SH3GL2: variants seen among roughly 807,000 people sequenced by gnomAD.
SH3GL2 encodes endophilin-A1.
In SH3GL2, 24 loss-of-function variants were observed where a neutral mutation model predicts 46.0. The ratio of observed to expected loss-of-function variants is 0.52; its 90% CI spans 0.38 to 0.73. The LOEUF is 0.73. Among genes scored for constraint, SH3GL2 ranks in the 30% least tolerant of loss-of-function variants. SH3GL2 has a pLI of 0.00. For synonymous variants in SH3GL2, 196 were observed against 147.1 expected, an observed-to-expected ratio of 1.33 and a Z score of -2.40; for missense variants, 413 against 424.2, an observed-to-expected ratio of 0.97 and a Z score of 0.23.
intron 1 of SH3GL2, among the ~76,000 whole-genome samples, chr9:17,718,907 C>T (rs1030722714): frequency 6.6e-6 from 1 of 152,018 alleles, no homozygotes; most frequent in Non-Finnish European, 1.5e-5. Flanking sequence ...ATCGATTTTC[C>T]TTCTTCTTCT....
intron 1 of SH3GL2, among the ~76,000 whole-genome samples, chr9:17,645,066 A>G (rs567817261): frequency 6.7e-6 from 1 of 148,906 alleles, no homozygotes; most frequent in African/African-American, 2.5e-5. Flanking sequence ...TGATTCCTTT[A>G]CCATTATGTA....
chr9:17,665,194 A>G lies in SH3GL2; in HGVS notation c.46-81872A>G, dbSNP rs145896828. On this transcript the variant is annotated intron_variant, in intron 1 of 8. Transcript: ENST00000380607. ...ACGCATACCTCCTAAGAATAAGGAC[A>G]TTTTCTTATATAACCATAGTACAGT... Among the ~76,000 whole-genome samples, 310 of 152,244 alleles carry G rather than the reference A, an allele frequency of 2.0e-3. 1 individual carries two copies. Among genetic ancestry groups the G allele is most frequent in the African/African-American group, 7.1e-3 (297 of 41,566 alleles).
At chr9:17,676,857 C>CT (rs1820625518) in intron 1 of SH3GL2, among the ~76,000 whole-genome samples, 1 of 152,008 alleles carries the variant, frequency 6.6e-6, no homozygotes, top group African/African-American at 2.4e-5. Flanking sequence ...TCTTTTTGTC[C>CT]TTTTTATCTT....
chr9:17,674,894 A>G (rs2117990967), intron 1 of SH3GL2, among the ~76,000 whole-genome samples: 1 of 152,258 alleles, frequency 6.6e-6, no homozygotes, highest in Non-Finnish European at 1.5e-5. Context: ...GTGGCAGTTC[A>G]TTAACATTGT....
At chr9:17,740,867 A>G (rs1001757059) in intron 1 of SH3GL2, among the ~76,000 whole-genome samples, 4 of 152,122 alleles carry the variant, frequency 2.6e-5, no homozygotes, top group African/African-American at 7.2e-5. Flanking sequence ...GTGTTAGATG[A>G]TGTTGGTTTT....
At chr9:17,599,100 C>T (rs530036838) in intron 1 of SH3GL2, among the ~76,000 whole-genome samples, 246 of 152,130 alleles carry the variant, frequency 1.6e-3, no homozygotes, top group African/African-American at 5.5e-3. Context: ...ATTAGCTATT[C>T]GTTTGAGAAA....
At chr9:17,768,186 AC>A (rs1823371212) in intron 3 of SH3GL2, among the ~76,000 whole-genome samples, 1 of 151,972 alleles carries the variant, frequency 6.6e-6, no homozygotes, top group Non-Finnish European at 1.5e-5. Flanking sequence ...CCTGGCTAAC[AC>A]AGTGAAACTC....
intron 1 of SH3GL2, among the ~76,000 whole-genome samples, chr9:17,581,114 G>T (rs914697412): frequency 6.6e-6 from 1 of 152,154 alleles, no homozygotes; most frequent in African/African-American, 2.4e-5. Context: ...TTGACATAAA[G>T]GATATTTTTA....
At chr9:17,751,898 G>C (rs1445936332) in intron 2 of SH3GL2, among the ~76,000 whole-genome samples, 1 of 152,148 alleles carries the variant, frequency 6.6e-6, no homozygotes, top group Non-Finnish European at 1.5e-5. Flanking sequence ...CTCCAAACAA[G>C]ATGAGCTTTG....
At chr9:17,602,120 GA>G (rs1818683158) in intron 1 of SH3GL2, among the ~76,000 whole-genome samples, 1 of 152,146 alleles carries the variant, frequency 6.6e-6, no homozygotes, top group Non-Finnish European at 1.5e-5. Flanking sequence ...CTTAAAAGAA[GA>G]AAAGACTGAA....
intron 1 of SH3GL2, among the ~76,000 whole-genome samples, chr9:17,669,699 A>G (rs1013932959): frequency 6.6e-6 from 1 of 152,184 alleles, no homozygotes; most frequent in Non-Finnish European, 1.5e-5. Flanking sequence ...TATACTCATA[A>G]ATAAAGCTGC....
At chr9:17,654,943 C>G (rs1820039074) in intron 1 of SH3GL2, among the ~76,000 whole-genome samples, 1 of 152,144 alleles carries the variant, frequency 6.6e-6, no homozygotes, top group Admixed American at 6.5e-5. Flanking sequence ...GTGATGGGAG[C>G]TGTGCAGTGA....
At chr9:17,718,610 C>T (rs1011745579) in intron 1 of SH3GL2, among the ~76,000 whole-genome samples, 5 of 152,098 alleles carry the variant, frequency 3.3e-5, no homozygotes, top group Admixed American at 3.3e-4. Flanking sequence ...CACTTGTAGT[C>T]CCACTGACTC....
intron 1 of SH3GL2, among the ~76,000 whole-genome samples, chr9:17,674,764 C>T (rs1288178547): frequency 6.6e-6 from 1 of 152,152 alleles, no homozygotes; most frequent in African/African-American, 2.4e-5. Context: ...TCAGCTCTGC[C>T]TCCCTCTCTC....
chr9:17,797,008 G>A lies in SH3GL2; in HGVS notation c.*1265G>A, dbSNP rs893704058. On this transcript the variant is annotated 3_prime_UTR_variant, in exon 9 of 9. Coordinates refer to ENST00000380607, the MANE Select transcript of SH3GL2 (RefSeq NM_003026.5). Reference sequence around the variant, plus strand: ...TTCAGAGGTTTAACGTGCTGCTTCCGATGTGCCACCTGCAGTAGTGGATCA... The same window carrying A: ...TTCAGAGGTTTAACGTGCTGCTTCCAATGTGCCACCTGCAGTAGTGGATCA... 6.6e-6 allele frequency: 1 copy of A among 152,608 alleles called. No individual in the cohort carries two copies. Among genetic ancestry groups the A allele is most frequent in the Non-Finnish European group, 1.5e-5 (1 of 68,040 alleles). 9.5% of individuals were successfully genotyped at this position (152,608 alleles called of 1,614,324 possible). A position where few individuals can be genotyped will look rare whatever the true frequency, so the allele number is the denominator to read the frequency against.
intron 2 of SH3GL2, among the ~76,000 whole-genome samples, chr9:17,759,161 C>G (rs762576794): frequency 1.3e-5 from 2 of 152,158 alleles, no homozygotes; most frequent in Non-Finnish European, 2.9e-5. Flanking sequence ...GGGATAGACA[C>G]TGCAGGTACC....
chr9:17,791,618 T>TA (rs1563856436), intron 7 of SH3GL2, among the ~76,000 whole-genome samples: 2 of 152,234 alleles, frequency 1.3e-5, no homozygotes, highest in Admixed American at 6.5e-5. Flanking sequence ...GGATGCCATT[T>TA]GCTGAGCAGT....
At chr9:17,755,448 T>G (rs964995265) in intron 2 of SH3GL2, among the ~76,000 whole-genome samples, 32 of 152,150 alleles carry the variant, frequency 2.1e-4, no homozygotes, top group African/African-American at 7.7e-4. Flanking sequence ...AAGTTTTCTT[T>G]TTTGTTGTAT....
intron 1 of SH3GL2, among the ~76,000 whole-genome samples, chr9:17,730,905 A>G (rs2118413753): frequency 6.6e-6 from 1 of 152,232 alleles, no homozygotes; most frequent in East Asian, 1.9e-4. Context: ...AACCAAAACA[A>G]AAGGACAAAA....
Sources: allele counts gnomAD v4.1 joint callset (sites outside exome capture counted in the v4.1 genomes callset), GRCh38; gene constraint gnomAD v4.1.1; transcripts MANE v1.5; gene names NCBI Gene and HGNC (gene_info 2026-07-23, HGNC 2026-07-21).